The following WRN variants were observed in gnomAD, a reference collection of about 807,000 sequenced individuals.
WRN encodes WRN RecQ like helicase.
A neutral mutation model predicts 180.7 loss-of-function variants in WRN; 149 were observed. The ratio of observed to expected loss-of-function variants is 0.82; its 90% CI spans 0.72 to 0.94. The LOEUF (loss-of-function observed/expected upper bound fraction) is 0.94, where lower values mean the gene tolerates loss of function less well. Ranked by LOEUF, WRN falls within the 40% of genes least tolerant of loss-of-function variation. WRN has a pLI of 0.00. For missense variants in WRN, 1,661 were observed against 1,700.1 expected (o/e 0.98, Z 0.40); for synonymous variants, 548 against 568.9 (o/e 0.96, Z 0.52).
chr8:31,073,952 A>G (rs1585419125), intron 7 of WRN, among the ~76,000 whole-genome samples: 1 of 151,272 alleles, frequency 6.6e-6, no homozygotes, highest in African/African-American at 2.4e-5. Flanking sequence ...AGTCTTGCTC[A>G]GTCACCCAGG....
intron 33 of WRN, among the ~76,000 whole-genome samples, chr8:31,158,356 A>G (rs995801720): frequency 3.3e-5 from 5 of 152,024 alleles, no homozygotes; most frequent in Non-Finnish European, 7.4e-5. Flanking sequence ...CAGCTCGCGG[A>G]GAGCAAGCCC....
At chr8:31,038,194 A>G (rs1811519204) in intron 1 of WRN, among the ~76,000 whole-genome samples, 1 of 152,128 alleles carries the variant, frequency 6.6e-6, no homozygotes, top group African/African-American at 2.4e-5. Context: ...CCATGGGAGC[A>G]GTGTACAAGT....
In WRN at chr8:31,175,022, G is replaced by A. The variant is rs2130535826; in HGVS notation, c.*1920G>A. Among the ~76,000 whole-genome samples, 1 of 151,846 alleles carries A rather than the reference G, an allele frequency of 6.6e-6. No homozygotes were observed. Among genetic ancestry groups the A allele is most frequent in the East Asian group, 1.9e-4 (1 of 5,168 alleles). On this transcript the variant is annotated 3_prime_UTR_variant, in exon 35 of 35. Coordinates refer to ENST00000298139, the MANE Select transcript of WRN (RefSeq NM_000553.6). ...CCTTACATAAAGCCTTTTCTAATGA[G>A]ATGGATAGTAATTAACAAATGTGAG...
intron 20 of WRN, 92 bp from the exon 21 acceptor site, chr8:31,120,151 T>G: frequency 1.3e-6 from 2 of 1,502,954 alleles, no homozygotes; most frequent in Non-Finnish European, 1.8e-6. Flanking sequence ...GGACTTAAGT[T>G]AACGAACAAA....
In WRN at chr8:31,173,078, G is replaced by A. The variant is rs753208401; in HGVS notation, c.4275G>A (p.Thr1425=). The A allele has an allele frequency of 3.1e-6, 5 of 1,613,946 alleles. No individual in the cohort carries two copies. The highest frequency in any genetic ancestry group is 1.1e-5 in the South Asian group (1 of 91,078). Residue 1425 remains threonine, a synonymous_variant, in exon 35 of 35, where the codon ACG becomes ACA. Coordinates refer to ENST00000298139, the MANE Select transcript of WRN (RefSeq NM_000553.6). Reference sequence around the variant, plus strand: ...CCAGCAAGAAATTAATGGACAAAACGAAAAGGGGAGGTCTTTTTAGTTAAG... The same window carrying A: ...CCAGCAAGAAATTAATGGACAAAACAAAAAGGGGAGGTCTTTTTAGTTAAG... ...SDTSKKLMDK[T]KRGGLFS is the part of the protein sequence containing the mutation.
At chr8:31,059,688 A>C (rs1329527331) in intron 3 of WRN, among the ~76,000 whole-genome samples, 1 of 152,216 alleles carries the variant, frequency 6.6e-6, no homozygotes, top group African/African-American at 2.4e-5. Context: ...AGTAATATTG[A>C]ATAATGGCTA....
At chr8:31,158,976 A>C (rs938242587) in intron 33 of WRN, among the ~76,000 whole-genome samples, 1 of 152,116 alleles carries the variant, frequency 6.6e-6, no homozygotes, top group Non-Finnish European at 1.5e-5. Flanking sequence ...ACTTACAAGC[A>C]GGAGCTAAAG....
intron 20 of WRN, among the ~76,000 whole-genome samples, chr8:31,118,742 T>C (rs1335346255): frequency 2.0e-5 from 3 of 152,078 alleles, no homozygotes; most frequent in Non-Finnish European, 2.9e-5. Flanking sequence ...TATAACCAGA[T>C]CCAAACACAT....
intron 33 of WRN, among the ~76,000 whole-genome samples, chr8:31,161,838 C>CAGA (rs1803632130): frequency 1.0e-5 from 1 of 97,798 alleles, no homozygotes; most frequent in East Asian, 3.0e-4. Flanking sequence ...GACTCTGTCT[C>CAGA]AAAAAAAAAA....
chr8:31,058,544 G>A lies in WRN; in HGVS notation c.96+1G>A, dbSNP rs1258953831. 1 of 1,613,338 alleles carries A rather than the reference G, an allele frequency of 6.2e-7. No individual in the cohort carries two copies. Among genetic ancestry groups the A allele is most frequent in the Admixed American group, 1.7e-5 (1 of 60,012 alleles). ...AAGATGTGCTGTAGAAGAAAGAAAG[G>A]TATGTTGTTCATTGACTATTCTTTT... On this transcript the variant is annotated splice_donor_variant, in intron 2 of 34. Coordinates refer to ENST00000298139, the MANE Select transcript of WRN (RefSeq NM_000553.6). LOFTEE classifies it high-confidence loss of function.
At chr8:31,096,192 A>G (rs1389781790) in intron 16 of WRN, among the ~76,000 whole-genome samples, 1 of 152,224 alleles carries the variant, frequency 6.6e-6, no homozygotes, top group African/African-American at 2.4e-5. Context: ...TGCCTAGCGC[A>G]CAATAGACAC....
Position 31,111,645 on chromosome 8 carries a change from A to G in WRN, c.2119A>G (p.Ser707Gly), listed in dbSNP as rs761240520. The G allele has an allele frequency of 6.2e-6, 10 of 1,614,060 alleles. No homozygotes were observed. Among genetic ancestry groups the G allele is most frequent in the East Asian group, 2.2e-5 (1 of 44,848 alleles). Reference protein sequence around the residue: ...VPIVALTATASSSIREDIVRC... With the variant: ...VPIVALTATAGSSIREDIVRC... ...AATCGTTGCACTTACTGCTACTGCA[A>G]GTTCTTCAATCCGGGAAGACATTGT... Residue 707 changes from serine to glycine, a missense_variant, in exon 19 of 35, where the codon AGT becomes GGT. By Grantham distance (56) the Ser-to-Gly change is moderately conservative. Around this residue, in one of 3 missense-constraint regions of WRN, gnomAD observed 1,141 missense variants for 1,149.4 expected, o/e 0.99. Transcript: ENST00000298139.
At chr8:31,058,995 C>A (rs1399321167) in intron 2 of WRN, among the ~76,000 whole-genome samples, 158 bp from the exon 3 acceptor site, 3 of 152,022 alleles carry the variant, frequency 2.0e-5, no homozygotes, top group Non-Finnish European at 4.4e-5. Context: ...ATGGTTTTTT[C>A]TTTGTTAAGT....
intron 16 of WRN, among the ~76,000 whole-genome samples, chr8:31,093,345 C>T (rs1813833235): frequency 6.6e-6 from 1 of 152,172 alleles, no homozygotes; most frequent in Non-Finnish European, 1.5e-5. Context: ...AGGCGATCCT[C>T]CTGCCTTGGC....
At chr8:31,063,319 A>G (rs1812564204) in intron 3 of WRN, among the ~76,000 whole-genome samples, 2 of 152,152 alleles carry the variant, frequency 1.3e-5, no homozygotes, top group East Asian at 1.9e-4. Flanking sequence ...TTTAACTGTT[A>G]TATCTTACTA....
Position 31,143,639 on chromosome 8 carries a change from T to C in WRN, c.3383+16T>C. 1 of 1,546,336 alleles carries C rather than the reference T, an allele frequency of 6.5e-7. No homozygotes were observed. Among genetic ancestry groups the C allele is most frequent in the Non-Finnish European group, 8.9e-7 (1 of 1,120,126 alleles). On this transcript the variant is annotated intron_variant, in intron 28 of 34. Transcript: ENST00000298139. ...CTAAAAAAAGGTACAGAGTTCCATA[T>C]TTCTATGTTCTATACTTGCTTTATG...
chr8:31,088,834 CCTCT>C, intron 12 of WRN, 52 bp from the exon 13 acceptor site: 1 of 1,409,610 alleles, frequency 7.1e-7, no homozygotes, highest in East Asian at 2.4e-5. Flanking sequence ...CTGTTTTCTC[CCTCT>C]ATGTGGTGTT....
chr8:31,163,522 TAAAAG>T (rs145477852), intron 33 of WRN, among the ~76,000 whole-genome samples: 5,978 of 152,206 alleles, frequency 0.039, 338 homozygotes, highest in African/African-American at 0.12. Flanking sequence ...CCAATTAACT[TAAAAG>T]AAAGAAATAT....
At chr8:31,067,288 A>G (rs1037904871) in intron 6 of WRN, 106 bp downstream of exon 6, 3 of 1,280,898 alleles carry the variant, frequency 2.3e-6, no homozygotes, top group African/African-American at 3.0e-5. Context: ...CTACCAAAAT[A>G]TTTTATATCA....
Sources: allele counts gnomAD v4.1 joint callset (sites outside exome capture counted in the v4.1 genomes callset), GRCh38; gene constraint gnomAD v4.1.1; regional missense constraint gnomAD v4.1.1; transcripts MANE v1.5; gene names NCBI Gene and HGNC (gene_info 2026-07-23, HGNC 2026-07-21).